The following ZNF609 variants were observed in gnomAD, a reference collection of about 807,000 sequenced individuals.
ZNF609 encodes the protein zinc finger protein 609.
A neutral mutation model predicts 109.5 loss-of-function variants in ZNF609; 11 were observed. That is an observed-to-expected ratio of 0.10 (90% CI 0.06 to 0.17). ZNF609 has a LOEUF of 0.17. ZNF609 is among the 10% of genes least tolerant of loss of function. The pLI, the probability that ZNF609 is intolerant of heterozygous loss-of-function variation, is 1.00. For missense variants in ZNF609, 1,559 were observed against 1,772.4 expected (o/e 0.88, Z 2.16); for synonymous variants, 646 against 662.0 (o/e 0.98, Z 0.37).
At position 64,678,472 on chromosome 15, in the gene ZNF609, G is replaced by C; in HGVS notation, c.3759G>C (p.Gln1253His). Residue 1253 changes from glutamine (Q) to histidine (H), a missense_variant, in exon 6 of 10, where the codon CAG (glutamine) becomes CAC (histidine). This residue lies in a region of ZNF609 where 1,204 missense variants were observed against 1,314.1 expected (regional missense o/e 0.92). Transcript: ENST00000326648. ...GGAGCATGCCTGCTGTGATGATGCA[G>C]AACTACCCAGGTACAGCACCAAGTG... ...SYRSMPAVMM[Q>H]NYPGSYLPSS... is the part of the protein sequence containing the mutation. The C allele has an allele frequency of 6.3e-7, 1 of 1,582,856 alleles. No homozygotes were observed. Among genetic ancestry groups the C allele is most frequent in the Non-Finnish European group, 8.6e-7 (1 of 1,163,584 alleles).
chr15:64,529,873 G>C (rs936029601), intron 2 of ZNF609, among the ~76,000 whole-genome samples: 6 of 152,208 alleles, frequency 3.9e-5, no homozygotes, highest in Admixed American at 1.3e-4. Flanking sequence ...TGGGATTACA[G>C]GCATGCGTCA....
At chr15:64,505,558 T>G (rs1893623648) in intron 2 of ZNF609, among the ~76,000 whole-genome samples, 1 of 152,196 alleles carries the variant, frequency 6.6e-6, no homozygotes, top group African/African-American at 2.4e-5. Context: ...CTCTGCTTTT[T>G]GAGGAGCTTA....
At chr15:64,555,886 C>CAAAAAAA (rs963732035) in intron 2 of ZNF609, among the ~76,000 whole-genome samples, 6 of 38,928 alleles carry the variant, frequency 1.5e-4, no homozygotes, top group Non-Finnish European at 3.2e-4. Context: ...GACTCTGTCT[C>CAAAAAAA]AAAAAAAAAA....
At chr15:64,635,826 G>A (rs1466850469) in intron 3 of ZNF609, among the ~76,000 whole-genome samples, 4 of 152,022 alleles carry the variant, frequency 2.6e-5, no homozygotes, top group East Asian at 3.9e-4. Flanking sequence ...TAATGATACC[G>A]GTGAGAACTA....
chr15:64,572,274 T>G (rs1894870662), intron 2 of ZNF609, among the ~76,000 whole-genome samples: 1 of 152,138 alleles, frequency 6.6e-6, no homozygotes, highest in Admixed American at 6.6e-5. Context: ...AGTAGGCAGA[T>G]CGTTTGAGTC....
At chr15:64,510,765 G>A (rs1451299306) in intron 2 of ZNF609, among the ~76,000 whole-genome samples, 2 of 152,038 alleles carry the variant, frequency 1.3e-5, no homozygotes, top group East Asian at 3.9e-4. Context: ...GTTGTCCATT[G>A]GGATGTGACA....
intron 2 of ZNF609, among the ~76,000 whole-genome samples, chr15:64,560,340 C>G (rs1894656053): frequency 6.6e-6 from 1 of 151,964 alleles, no homozygotes; most frequent in Non-Finnish European, 1.5e-5. Context: ...GCCACCACAC[C>G]CAGCGTCTCT....
intron 2 of ZNF609, among the ~76,000 whole-genome samples, chr15:64,574,061 A>C (rs1301779203): frequency 6.6e-6 from 1 of 152,034 alleles, no homozygotes; most frequent in Admixed American, 6.6e-5. Flanking sequence ...AAAAACTACC[A>C]GCCTTCTCTC....
At chr15:64,622,721 C>G (rs1895895661) in intron 2 of ZNF609, 106 bp from the exon 3 acceptor site, 2 of 955,220 alleles carry the variant, frequency 2.1e-6, no homozygotes, top group Non-Finnish European at 3.3e-6. Flanking sequence ...TTATAGCCGT[C>G]TGCACTCTGG....
chr15:64,588,150 C>T (rs1004767767), intron 2 of ZNF609, among the ~76,000 whole-genome samples: 12 of 147,654 alleles, frequency 8.1e-5, no homozygotes, highest in East Asian at 6.9e-4. Context: ...AGGGGAAGGC[C>T]GGGTGCGGTG....
intron 3 of ZNF609, 28 bp from the exon 4 acceptor site, chr15:64,670,318 T>C (rs761321812): frequency 6.3e-7 from 1 of 1,589,550 alleles, no homozygotes; most frequent in African/African-American, 1.3e-5. Flanking sequence ...GTGTGTCTTG[T>C]CTATATCTAT....
At chr15:64,532,635 C>T (rs563181316) in intron 2 of ZNF609, among the ~76,000 whole-genome samples, 15 of 152,252 alleles carry the variant, frequency 9.9e-5, no homozygotes, top group Admixed American at 4.6e-4. Flanking sequence ...TAAGATGGAG[C>T]GCTGAAAGTT....
chr15:64,477,911 T>C (rs1472920192), intron 1 of ZNF609, among the ~76,000 whole-genome samples: 1 of 152,162 alleles, frequency 6.6e-6, no homozygotes, highest in Non-Finnish European at 1.5e-5. Flanking sequence ...ATTATAGGCA[T>C]GAGCCACTGT....
At chr15:64,666,663 C>T (rs1355965731) in intron 3 of ZNF609, among the ~76,000 whole-genome samples, 3 of 151,744 alleles carry the variant, frequency 2.0e-5, no homozygotes, top group Admixed American at 2.0e-4. Context: ...AGGCGCCCAC[C>T]ACCACGCCCA....
chr15:64,523,787 T>C (rs1388511088), intron 2 of ZNF609, among the ~76,000 whole-genome samples: 1 of 151,832 alleles, frequency 6.6e-6, no homozygotes, highest in Non-Finnish European at 1.5e-5. Context: ...AAAGAAAATC[T>C]TCTATGTTAT....
chr15:64,605,802 C>T (rs568596718), intron 2 of ZNF609, among the ~76,000 whole-genome samples: 299 of 142,134 alleles, frequency 2.1e-3, no homozygotes, highest in Non-Finnish European at 3.0e-3. Flanking sequence ...GGCGCGATCT[C>T]GGCTCACTGC....
chr15:64,586,481 C>A lies in ZNF609; in HGVS notation c.748-36346C>A, dbSNP rs147349464. On this transcript the variant is annotated intron_variant, in intron 2 of 9. Coordinates refer to ENST00000326648, the MANE Select transcript of ZNF609 (RefSeq NM_015042.2). ...AGCAGTGGCTGAGAAAGTATTAGCA[C>A]CTGAGCTCTGCCTCCTGTCAGATCA... is the stretch of plus-strand genomic sequence containing the variant. 4.8e-3 allele frequency among the ~76,000 whole-genome samples: 733 copies of A among 152,164 alleles called. 2 individuals are homozygous for A. Among genetic ancestry groups the A allele is most frequent in the Non-Finnish European group, 8.1e-3 (551 of 68,012 alleles).
intron 2 of ZNF609, among the ~76,000 whole-genome samples, chr15:64,539,857 A>G (rs1567009011): frequency 1.3e-5 from 2 of 151,050 alleles, no homozygotes; most frequent in Non-Finnish European, 3.0e-5. Flanking sequence ...GGCTGGTCTC[A>G]AACTCCTGAC....
Position 64,680,209 on chromosome 15 carries a change from C to T in ZNF609, c.3794C>T (p.Ser1265Phe), listed in dbSNP as rs757160819. 1 of 1,614,182 alleles carries T rather than the reference C, an allele frequency of 6.2e-7. No homozygotes were observed. The highest frequency in any genetic ancestry group is 1.1e-5 in the South Asian group (1 of 91,076). ...GGTTCCTACCTGCCTTCCAGCTACT[C>T]TTTTTCCCCATATGGCAGCAAGGTC... Reference protein sequence around the residue: ...YPGSYLPSSYSFSPYGSKVSG... With the variant: ...YPGSYLPSSYFFSPYGSKVSG... The change falls in exon 7 of 10, where the codon TCT becomes TTT. Residue 1265 changes from serine to phenylalanine, a missense_variant. Around this residue, in one of 4 missense-constraint regions of ZNF609, gnomAD observed 1,204 missense variants for 1,314.1 expected, o/e 0.92. Coordinates refer to ENST00000326648, the MANE Select transcript of ZNF609 (RefSeq NM_015042.2).
Sources: allele counts gnomAD v4.1 joint callset (sites outside exome capture counted in the v4.1 genomes callset), GRCh38; gene constraint gnomAD v4.1.1; regional missense constraint gnomAD v4.1.1; transcripts MANE v1.5; gene names NCBI Gene and HGNC (gene_info 2026-07-23, HGNC 2026-07-21).